The following ACOT9 variants were observed in gnomAD, a reference collection of about 807,000 sequenced individuals.
ACOT9 encodes acyl-CoA thioesterase 9, also known as acyl-coenzyme A thioesterase 9, mitochondrial.
Under a neutral mutation model 39.7 loss-of-function variants are expected in ACOT9, and 34 were observed. The ratio of observed to expected loss-of-function variants is 0.86; its 90% CI spans 0.65 to 1.14. The LOEUF is 1.14. Ranked by LOEUF, ACOT9 falls within the 50% of genes most tolerant of loss-of-function variation. The pLI is 0.00. For synonymous variants in ACOT9, 110 were observed against 120.5 expected, an observed-to-expected ratio of 0.91 and a Z score of 0.57; for missense variants, 313 against 344.1, an observed-to-expected ratio of 0.91 and a Z score of 0.71.
chrX:23,709,212 G>A (rs1928810506), intron 9 of ACOT9, among the ~76,000 whole-genome samples: 1 of 110,908 alleles, frequency 9.0e-6, no homozygotes, highest in Non-Finnish European at 1.9e-5. Flanking sequence ...GGTCAACATG[G>A]TGAAACCCCG....
intron 8 of ACOT9, among the ~76,000 whole-genome samples, chrX:23,713,757 C>A (rs1928986511): frequency 9.1e-6 from 1 of 109,873 alleles, no homozygotes; most frequent in Non-Finnish European, 1.9e-5. Flanking sequence ...GGGGGCTGGG[C>A]ATGGTACCTC....
intron 9 of ACOT9, among the ~76,000 whole-genome samples, chrX:23,708,359 C>T (rs934038655): frequency 4.5e-5 from 5 of 110,432 alleles, no homozygotes; most frequent in Non-Finnish European, 7.6e-5. Context: ...GGAGAAACCT[C>T]GTTTCTACTA....
At chrX:23,707,750 C>T in intron 10 of ACOT9, 127 bp downstream of exon 10, 1 of 454,144 alleles carries the variant, frequency 2.2e-6, no homozygotes, top group Non-Finnish European at 3.4e-6. Flanking sequence ...AAAAAACAAA[C>T]AAAAAAACAA....
chrX:23,717,862 C>A (rs185556922), intron 8 of ACOT9, among the ~76,000 whole-genome samples: 1,364 of 111,529 alleles, frequency 0.012, 20 homozygotes, highest in African/African-American at 0.042. Flanking sequence ...CCGAGGCAGG[C>A]GGATCACTTG....
intron 6 of ACOT9, 40 bp downstream of exon 6, chrX:23,730,487 C>T: frequency 4.8e-6 from 5 of 1,050,989 alleles, no homozygotes; most frequent in South Asian, 1.9e-5. Flanking sequence ...CAATGTATAT[C>T]TGTAGGTATC....
At chrX:23,705,378 G>T in intron 13 of ACOT9, 131 bp downstream of exon 13, 1 of 540,678 alleles carries the variant, frequency 1.8e-6, no homozygotes, top group Non-Finnish European at 3.1e-6. Flanking sequence ...AATTCAGCTG[G>T]TATCAGTGTG....
chrX:23,741,617 C>CTA (rs945897745), intron 1 of ACOT9, among the ~76,000 whole-genome samples: 1 of 112,275 alleles, frequency 8.9e-6, no homozygotes, highest in African/African-American at 3.2e-5. Flanking sequence ...TCATCTCAGT[C>CTA]TATATTCATT....
At chrX:23,716,674 T>G (rs1376553565) in intron 8 of ACOT9, among the ~76,000 whole-genome samples, 1 of 111,468 alleles carries the variant, frequency 9.0e-6, no homozygotes, top group Non-Finnish European at 1.9e-5. Flanking sequence ...CCTTGGGCCC[T>G]AATTAATCAA....
At chrX:23,726,237 TC>T (rs1253441173) in intron 6 of ACOT9, among the ~76,000 whole-genome samples, 1 of 110,928 alleles carries the variant, frequency 9.0e-6, no homozygotes, top group African/African-American at 3.3e-5. Flanking sequence ...TAAAATAAAT[TC>T]AAAAAATAAT....
Position 23,703,848 on chromosome X carries a change from C to A in ACOT9, c.*46G>T. 9.4e-7 allele frequency: 1 copy of A among 1,068,994 alleles called. No individual in the cohort carries two copies. The highest frequency in any genetic ancestry group is 1.3e-6 in the Non-Finnish European group (1 of 768,322). 88.1% of individuals were successfully genotyped at this position (1,068,994 alleles called of 1,213,427 possible). A position where few individuals can be genotyped will look rare whatever the true frequency, so the allele number is the denominator to read the frequency against. On this transcript the variant is annotated 3_prime_UTR_variant, in exon 16 of 16. Coordinates refer to ENST00000379303, the MANE Select transcript of ACOT9 (RefSeq NM_001037171.2). ...ACTCGATCAGGTCTTCATCAGATAC[C>A]ACGTCACTGTGGGTAGAGTGCTAGT...
chrX:23,713,675 G>A (rs1396049774), intron 8 of ACOT9, among the ~76,000 whole-genome samples: 1 of 110,527 alleles, frequency 9.0e-6, no homozygotes, highest in African/African-American at 3.3e-5. Context: ...CACAGCACTA[G>A]GCTCTCAGAA....
rs1928479432 is a variant in ACOT9 at position 23,701,383 on chromosome X, G to A, written c.*2511C>T. On this transcript the variant is annotated 3_prime_UTR_variant, in exon 16 of 16. Coordinates refer to ENST00000379303, the MANE Select transcript of ACOT9 (RefSeq NM_001037171.2). The stretch of plus-strand genomic sequence containing the variant: ...CATGCTTGATTCCATGAGTCAAACT[G>A]CATGCTTCCAAGAGATAGTTGTGTT... Among the ~76,000 whole-genome samples the A allele has an allele frequency of 9.0e-6, 1 of 111,673 alleles. No homozygotes were observed. The highest frequency in any genetic ancestry group is 3.2e-5 in the African/African-American group (1 of 30,770).
At chrX:23,710,464 C>A (rs1569190850) in intron 9 of ACOT9, among the ~76,000 whole-genome samples, 1 of 111,976 alleles carries the variant, frequency 8.9e-6, no homozygotes, top group Non-Finnish European at 1.9e-5. Context: ...CTTAGAGGAA[C>A]TCCCACCGCC....
At chrX:23,707,665 A>G (rs1034046125) in intron 10 of ACOT9, 4 of 262,984 alleles carry the variant, frequency 1.5e-5, no homozygotes, top group Non-Finnish European at 2.7e-5. Flanking sequence ...TGAACCCAGG[A>G]GGCAGAGGTT....
rs770865861 is a variant in ACOT9, at chrX:23,710,125, A to C, written c.663-2181T>G. Among the ~76,000 whole-genome samples, 81 of 112,318 alleles carry C rather than the reference A, an allele frequency of 7.2e-4. 1 individual carries two copies. The highest frequency in any genetic ancestry group is 1.1e-3 in the Non-Finnish European group (61 of 53,227). ...AGGCTGGTCTCAAACTCCTGGGCTC[A>C]AGTGATCTGCCCACCTCGGCCTCCC... On this transcript the variant is annotated intron_variant, in intron 9 of 15. Transcript: ENST00000379303.
intron 9 of ACOT9, among the ~76,000 whole-genome samples, chrX:23,708,538 G>GAAA (rs567506307): frequency 1.4e-5 from 1 of 70,854 alleles, no homozygotes; most frequent in Non-Finnish European, 2.5e-5. Context: ...CTCAAAAAAA[G>GAAA]AAAAAAAAAA....
rs185465009 is a variant in ACOT9, at chrX:23,733,306, T to C, written c.146-89A>G. 1.5e-4 allele frequency: 116 copies of C among 770,444 alleles called. No individual in the cohort carries two copies. In the African/African-American group the frequency reaches 2.1e-3, roughly 14 times the overall value. 63.5% of individuals were successfully genotyped at this position (770,444 alleles called of 1,213,427 possible). A position where few individuals can be genotyped will look rare whatever the true frequency, so the allele number is the denominator to read the frequency against. On this transcript the variant is annotated intron_variant, in intron 3 of 15. Transcript: ENST00000379303. ...TGAGCTCAAGAACTACAAAAAGCAATTCATGCACTCAAAAGATTTAAAGAT... is the reference window on the plus strand; with the variant it reads ...TGAGCTCAAGAACTACAAAAAGCAACTCATGCACTCAAAAGATTTAAAGAT...
Position 23,734,340 on chromosome X carries a change from C to T in ACOT9, c.145+1G>A, listed in dbSNP as rs371948388. On this transcript the variant is annotated splice_donor_variant, in intron 3 of 15. Transcript: ENST00000379303. LOFTEE classifies it high-confidence loss of function. ...AAGCTGATACTAATTACCACACACA[C>T]CATGATTCACATGTATAGATGAACA... The T allele has an allele frequency of 5.3e-5, 63 of 1,194,484 alleles. No homozygotes were observed. Among genetic ancestry groups the T allele is most frequent in the Non-Finnish European group, 6.7e-5 (59 of 886,214 alleles).
At chrX:23,740,474 C>G (rs990371098) in intron 1 of ACOT9, among the ~76,000 whole-genome samples, 1 of 110,123 alleles carries the variant, frequency 9.1e-6, no homozygotes, top group Non-Finnish European at 1.9e-5. Context: ...CTGTGGACCT[C>G]GAGCGGGCGT....
Sources: allele counts gnomAD v4.1 joint callset (sites outside exome capture counted in the v4.1 genomes callset), GRCh38; gene constraint gnomAD v4.1.1; transcripts MANE v1.5; gene names NCBI Gene and HGNC (gene_info 2026-07-23, HGNC 2026-07-21).